The following CASP6 variants were observed in gnomAD, a reference collection of about 807,000 sequenced individuals.
CASP6 encodes the protein caspase-6.
A neutral mutation model predicts 31.8 loss-of-function variants in CASP6; 20 were observed. The ratio of observed to expected loss-of-function variants is 0.63; its 90% CI spans 0.44 to 0.91. The LOEUF (loss-of-function observed/expected upper bound fraction) is 0.91, where lower values mean the gene tolerates loss of function less well. Among genes scored for constraint, CASP6 ranks in the 40% least tolerant of loss-of-function variants. CASP6 has a pLI of 0.00. For missense variants in CASP6, 328 were observed against 361.1 expected (o/e 0.91, Z 0.74); for synonymous variants, 130 against 127.8 (o/e 1.02, Z -0.12).
At chr4:109,672,018 C>A in the CASP6 span, among the ~76,000 whole-genome samples, 3 of 152,040 alleles carry the variant, frequency 2.0e-5, no homozygotes, top group South Asian at 2.1e-4. Flanking sequence ...AAAACTGGAG[C>A]CCTGTTAATG....
chr4:109,686,522 C>T (rs1408586507), downstream of CASP6, among the ~76,000 whole-genome samples: 2 of 152,056 alleles, frequency 1.3e-5, no homozygotes, highest in African/African-American at 4.8e-5. Flanking sequence ...TTGTGGATTC[C>T]CTTATATTTG....
downstream of CASP6, chr4:109,684,567 A>G: frequency 6.2e-7 from 1 of 1,605,800 alleles, no homozygotes; most frequent in Non-Finnish European, 8.5e-7. Context: ...TACTCCTGGG[A>G]TATCATGGAG....
chr4:109,668,638 T>C, the CASP6 span, among the ~76,000 whole-genome samples: 1 of 152,058 alleles, frequency 6.6e-6, no homozygotes, highest in Non-Finnish European at 1.5e-5. Flanking sequence ...GACATTCAAA[T>C]TGATTACTGA....
At chr4:109,676,101 G>A in the CASP6 span, among the ~76,000 whole-genome samples, 1 of 152,178 alleles carries the variant, frequency 6.6e-6, no homozygotes, top group Non-Finnish European at 1.5e-5. Flanking sequence ...GAAGAGTTTG[G>A]AAGAGCAGAC....
the CASP6 span, chr4:109,682,707 G>C: frequency 6.2e-7 from 1 of 1,613,934 alleles, no homozygotes; most frequent in Non-Finnish European, 8.5e-7. Flanking sequence ...GGAGAAAATT[G>C]ACCACCTGAA....
chr4:109,697,889 T>G, intron 2 of CASP6, 121 bp from the exon 3 acceptor site: 1 of 1,097,948 alleles, frequency 9.1e-7, no homozygotes, highest in Non-Finnish European at 1.3e-6. Context: ...TGATGTTCCA[T>G]GGGTGTGCTC....
In CASP6 at chr4:109,689,273, G is replaced by A. The variant is rs530418697; in HGVS notation, c.*57C>T. ...TGGGATTACAGGTGTGAGTAACCAC[G>A]CCTGGCTGAGAAAGCCATTTTCAAT... On this transcript the variant is annotated 3_prime_UTR_variant, in exon 7 of 7. Coordinates refer to ENST00000265164, the MANE Select transcript of CASP6 (RefSeq NM_001226.4). The A allele has an allele frequency of 5.8e-5, 87 of 1,511,614 alleles. 1 individual carries two copies. The highest frequency in any genetic ancestry group is 2.9e-4 in the Admixed American group (17 of 58,896). 93.6% of individuals were successfully genotyped at this position (1,511,614 alleles called of 1,614,324 possible). A position where few individuals can be genotyped will look rare whatever the true frequency, so the allele number is the denominator to read the frequency against.
chr4:109,681,216 G>A, the CASP6 span, among the ~76,000 whole-genome samples: 3 of 152,174 alleles, frequency 2.0e-5, no homozygotes, highest in African/African-American at 7.2e-5. Flanking sequence ...TCAGCTGATA[G>A]AGCATCTTCT....
At chr4:109,673,743 C>A in the CASP6 span, 1 of 531,460 alleles carries the variant, frequency 1.9e-6, no homozygotes, top group Admixed American at 3.4e-5. Context: ...AAGGAAGACA[C>A]ATAAATGAGA....
chr4:109,684,644 C>T (rs752397510), downstream of CASP6: 8 of 1,397,952 alleles, frequency 5.7e-6, no homozygotes, highest in South Asian at 1.2e-5. Flanking sequence ...AGTCACTCGA[C>T]AGGTGAGTAG....
chr4:109,667,593 T>G, the CASP6 span, among the ~76,000 whole-genome samples: 1 of 151,084 alleles, frequency 6.6e-6, no homozygotes, highest in African/African-American at 2.4e-5. Context: ...TGGTTTCTAC[T>G]CTATGTTTAT....
At chr4:109,673,233 G>A in the CASP6 span, among the ~76,000 whole-genome samples, 1 of 152,146 alleles carries the variant, frequency 6.6e-6, no homozygotes, top group African/African-American at 2.4e-5. Flanking sequence ...TGTTCTTTGG[G>A]TTGCATTTAT....
intron 5 of CASP6, among the ~76,000 whole-genome samples, chr4:109,693,065 C>A (rs758616613): frequency 5.9e-5 from 9 of 152,148 alleles, no homozygotes; most frequent in Non-Finnish European, 1.2e-4. Flanking sequence ...ACTCAGTTCA[C>A]ATGAAATCTG....
In CASP6 at chr4:109,694,536, A is replaced by G; in HGVS notation, c.472T>C (p.Phe158Leu). The G allele has an allele frequency of 1.2e-6, 2 of 1,600,894 alleles. No individual in the cohort carries two copies. Among genetic ancestry groups the G allele is most frequent in the Non-Finnish European group, 1.7e-6 (2 of 1,175,252 alleles). Residue 158 changes from phenylalanine (F) to leucine (L), a missense_variant, in exon 5 of 7, where the codon TTT (phenylalanine) becomes CTT (leucine). Coordinates refer to ENST00000265164, the MANE Select transcript of CASP6 (RefSeq NM_001226.4). Reference protein sequence around the residue: ...CHSLVGKPKIFIIQACRGNQH... With the variant: ...CHSLVGKPKILIIQACRGNQH... ...GTACTCAGTCTTACCTGAATGATAA[A>G]TATCTTGGGTTTTCCAACCAGGCTG...
chr4:109,703,211 T>G lies in CASP6; in HGVS notation c.40+145A>C, dbSNP rs1021367386. On this transcript the variant is annotated intron_variant, in intron 1 of 6. Transcript: ENST00000265164. ...CGCCCTGAGCGCTTCAATCCAAGAG[T>G]GCAACTTCTCCAGGCCGCCCTGCAA... 5 of 893,042 alleles carry G rather than the reference T, an allele frequency of 5.6e-6. No homozygotes were observed. The Admixed American group carries it at 8.2e-5, about 15-fold the overall frequency. The allele number at this position is 893,042 out of a possible 1,614,324, so 55.3% of individuals were successfully genotyped here. A position where few individuals can be genotyped will look rare whatever the true frequency, so the allele number is the denominator to read the frequency against.
At chr4:109,682,666 A>G in the CASP6 span, 1 of 1,613,214 alleles carries the variant, frequency 6.2e-7, no homozygotes, top group South Asian at 1.1e-5. Flanking sequence ...CATTTAGAAG[A>G]GTCTCAGAAA....
the CASP6 span, among the ~76,000 whole-genome samples, chr4:109,666,708 A>G: frequency 6.6e-6 from 1 of 151,948 alleles, no homozygotes; most frequent in Non-Finnish European, 1.5e-5. Flanking sequence ...TTTTGCAAAT[A>G]TTTTCTCCCA....
At chr4:109,703,455 G>A (rs908891825), upstream of CASP6, 1 of 1,582,654 alleles carries the variant, frequency 6.3e-7, no homozygotes. Context: ...CAGGCTCCCG[G>A]GCCCGGCCCC....
At chr4:109,705,995 AAAAAAAAT>A (rs1394867626), upstream of CASP6, among the ~76,000 whole-genome samples, 4 of 57,532 alleles carry the variant, frequency 7.0e-5, no homozygotes, top group South Asian at 8.0e-4. Context: ...AAAAAAAAAA[AAAAAAAAT>A]ATATATATAT....
Sources: allele counts gnomAD v4.1 joint callset (sites outside exome capture counted in the v4.1 genomes callset), GRCh38; gene constraint gnomAD v4.1.1; transcripts MANE v1.5; gene names NCBI Gene and HGNC (gene_info 2026-07-23, HGNC 2026-07-21).